Variants in KCNH7 observed in about 807,000 individuals in gnomAD.
KCNH7 encodes the protein voltage-gated inwardly rectifying potassium channel KCNH7.
Under a neutral mutation model 120.8 loss-of-function variants are expected in KCNH7, and 49 were observed. The ratio of observed to expected loss-of-function variants is 0.41; its 90% CI spans 0.32 to 0.51. The LOEUF (loss-of-function observed/expected upper bound fraction) is 0.51, where lower values mean the gene tolerates loss of function less well. Ranked by LOEUF, KCNH7 falls within the 20% of genes least tolerant of loss-of-function variation. The probability of loss-of-function intolerance (pLI) is 0.38; values close to 1 mark genes in which losing one functional copy is unlikely to be tolerated. For missense variants in KCNH7, 1,097 were observed against 1,446.6 expected (o/e 0.76, Z 3.92); for synonymous variants, 547 against 516.1 (o/e 1.06, Z -0.81).
At chr2:162,484,958 A>C (rs1295951494) in intron 6 of KCNH7, among the ~76,000 whole-genome samples, 3 of 152,112 alleles carry the variant, frequency 2.0e-5, no homozygotes, top group Non-Finnish European at 4.4e-5. Flanking sequence ...TGAGCGAATA[A>C]ATTTTTTTAA....
intron 2 of KCNH7, among the ~76,000 whole-genome samples, chr2:162,729,323 G>A (rs1402491298): frequency 6.6e-6 from 1 of 151,888 alleles, no homozygotes; most frequent in Non-Finnish European, 1.5e-5. Context: ...CCGACACCAC[G>A]CCCGGCTAAT....
At chr2:162,727,579 C>T (rs907482800) in intron 2 of KCNH7, among the ~76,000 whole-genome samples, 11 of 152,126 alleles carry the variant, frequency 7.2e-5, no homozygotes, top group Non-Finnish European at 7.4e-5. Flanking sequence ...TAGAATACTA[C>T]TGACTATTAT....
At chr2:162,721,108 A>C (rs1158411958) in intron 2 of KCNH7, among the ~76,000 whole-genome samples, 2 of 152,202 alleles carry the variant, frequency 1.3e-5, no homozygotes, top group East Asian at 3.8e-4. Context: ...GCACAGCAGC[A>C]CATCATTGTG....
chr2:162,811,389 A>G lies in KCNH7; in HGVS notation c.307+25148T>C, dbSNP rs1429762065. 2.0e-5 allele frequency among the ~76,000 whole-genome samples: 3 copies of G among 152,230 alleles called. No homozygotes were observed. In the East Asian group the frequency reaches 5.8e-4, roughly 29 times the overall value. On this transcript the variant is annotated intron_variant, in intron 2 of 15. Coordinates refer to ENST00000332142, the MANE Select transcript of KCNH7 (RefSeq NM_033272.4). ...GCCAGAGAAAGTATATTTAACACCA[A>G]ACACTCATTAGGTATCGTGTTTGCC... is the stretch of plus-strand genomic sequence containing the variant.
intron 8 of KCNH7, among the ~76,000 whole-genome samples, chr2:162,432,036 A>G (rs1401747710): frequency 5.9e-5 from 9 of 151,996 alleles, no homozygotes; most frequent in Admixed American, 3.9e-4. Flanking sequence ...GCATTTTTAA[A>G]AGTCTTTCTT....
intron 6 of KCNH7, among the ~76,000 whole-genome samples, chr2:162,462,048 A>G (rs1196323673): frequency 6.6e-6 from 1 of 152,060 alleles, no homozygotes; most frequent in African/African-American, 2.4e-5. Flanking sequence ...GCAAAATAAG[A>G]TTCATATAGG....
intron 5 of KCNH7, among the ~76,000 whole-genome samples, chr2:162,505,638 G>A (rs1690848690): frequency 1.3e-5 from 2 of 151,808 alleles, no homozygotes. Flanking sequence ...CGTGTAATGA[G>A]CAATATTACG....
intron 2 of KCNH7, among the ~76,000 whole-genome samples, chr2:162,567,174 A>T (rs1440298787): frequency 1.3e-5 from 2 of 152,052 alleles, no homozygotes; most frequent in Admixed American, 6.6e-5. Context: ...TTATAAAATG[A>T]TCACTTTAGT....
In KCNH7 at chr2:162,556,521, A is replaced by C. The variant is rs1182806601; in HGVS notation, c.308-19441T>G. Among the ~76,000 whole-genome samples, 5 of 152,322 alleles carry C rather than the reference A, an allele frequency of 3.3e-5. No individual in the cohort carries two copies. The East Asian group carries it at 9.6e-4, about 29-fold the overall frequency. Reference sequence around the variant, plus strand: ...TAATTATGAAAAAGAGGAAATGTATACTTCATTTGGGGACAAAAAGATTCC... The same window carrying C: ...TAATTATGAAAAAGAGGAAATGTATCCTTCATTTGGGGACAAAAAGATTCC... On this transcript the variant is annotated intron_variant, in intron 2 of 15. Transcript: ENST00000332142.
intron 2 of KCNH7, among the ~76,000 whole-genome samples, chr2:162,733,586 T>C (rs1356185164): frequency 1.3e-5 from 2 of 152,218 alleles, no homozygotes; most frequent in Non-Finnish European, 2.9e-5. Context: ...ATGACGTGCA[T>C]GTAGCATGAG....
chr2:162,606,747 G>C (rs1433268578), intron 2 of KCNH7, among the ~76,000 whole-genome samples: 1 of 152,132 alleles, frequency 6.6e-6, no homozygotes, highest in African/African-American at 2.4e-5. Flanking sequence ...AAAATATCTT[G>C]AGAAGAAATG....
At chr2:162,686,965 AAAGAGGAGTTGTGGC>A (rs1685914397) in intron 2 of KCNH7, among the ~76,000 whole-genome samples, 1 of 152,126 alleles carries the variant, frequency 6.6e-6, no homozygotes, top group Non-Finnish European at 1.5e-5. Context: ...TATTTCTGTC[AAAGAGGAGTTGTGGC>A]TGCTAACAGT....
intron 2 of KCNH7, among the ~76,000 whole-genome samples, chr2:162,581,780 A>T (rs1251166440): frequency 6.6e-6 from 1 of 152,114 alleles, no homozygotes; most frequent in Non-Finnish European, 1.5e-5. Flanking sequence ...TGACAATGTC[A>T]TATATCTTAC....
intron 13 of KCNH7, among the ~76,000 whole-genome samples, chr2:162,380,860 T>C (rs1686394320): frequency 6.6e-6 from 1 of 151,992 alleles, no homozygotes; most frequent in Admixed American, 6.6e-5. Flanking sequence ...TCTAGCAGGG[T>C]TGTGATCCCT....
At chr2:162,602,883 A>G (rs927622240) in intron 2 of KCNH7, among the ~76,000 whole-genome samples, 3 of 151,468 alleles carry the variant, frequency 2.0e-5, no homozygotes, top group Admixed American at 6.6e-5. Flanking sequence ...CAGAATTAAG[A>G]CGTAAAAATG....
chr2:162,542,041 A>T (rs1161955302), intron 2 of KCNH7, among the ~76,000 whole-genome samples: 1 of 152,032 alleles, frequency 6.6e-6, no homozygotes, highest in Non-Finnish European at 1.5e-5. Flanking sequence ...GCACACAGAC[A>T]TGGGCTGTGT....
intron 2 of KCNH7, among the ~76,000 whole-genome samples, chr2:162,618,091 T>C (rs1025241121): frequency 2.0e-5 from 3 of 151,924 alleles, no homozygotes; most frequent in Non-Finnish European, 2.9e-5. Context: ...AGATGTATAT[T>C]ATTAATTTAT....
intron 2 of KCNH7, among the ~76,000 whole-genome samples, chr2:162,647,780 T>A (rs938992796): frequency 2.6e-5 from 4 of 152,198 alleles, no homozygotes; most frequent in Non-Finnish European, 1.5e-5. Flanking sequence ...GTCTTGAGTA[T>A]GTCTTTATTA....
rs35913011 is a variant in KCNH7, at chr2:162,371,455, TC to T, written c.*373del. The T allele has an allele frequency of 3.9e-6, 5 of 1,271,604 alleles. No homozygotes were observed. The African/African-American group carries it at 7.7e-5, about 20-fold the overall frequency. The allele number at this position is 1,271,604 out of a possible 1,614,324, so 78.8% of individuals were successfully genotyped here. On this transcript the variant is annotated 3_prime_UTR_variant, in exon 16 of 16. Transcript: ENST00000332142. ...TGAGTTGCATCCATGAACAGTTTTA[TC>T]CCTTGGTTTCTTATTTGCGTGGAAG...
Sources: gnomAD v4.1 joint callset for allele counts (sites outside exome capture counted in the v4.1 genomes callset) on GRCh38, gnomAD v4.1.1 for gene constraint, MANE v1.5 for transcripts, NCBI Gene and HGNC (gene_info 2026-07-23, HGNC 2026-07-21) for gene names.